Variants in UPK3BL2 observed in about 807,000 individuals in gnomAD.
UPK3BL2 encodes the protein uroplakin-3b-like protein 2.
Under a neutral mutation model 11.3 loss-of-function variants are expected in UPK3BL2, and 1 was observed. The ratio of observed to expected loss-of-function variants is 0.09; its 90% CI spans 0.03 to 0.42. The LOEUF is 0.42. UPK3BL2 is among the 10% of genes least tolerant of loss of function. UPK3BL2 has a pLI of 0.98.
downstream of UPK3BL2, chr7:102,538,093 C>G (rs1269589178): frequency 3.8e-5 from 1 of 26,368 alleles, no homozygotes; most frequent in African/African-American, 4.8e-5. Context: ...GAGACGGAGG[C>G]CATCCTGGCC....
At chr7:102,542,998 G>GAA (rs536228128) in intron 1 of UPK3BL2, among the ~76,000 whole-genome samples, 128 of 115,538 alleles carry the variant, frequency 1.1e-3, no homozygotes, top group African/African-American at 2.8e-3. Flanking sequence ...ACTCTGTCTC[G>GAA]AAAAAAAAAA....
intron 3 of UPK3BL2, among the ~76,000 whole-genome samples, chr7:102,540,855 C>CAAAACAAA (rs1479651896): frequency 3.1e-4 from 19 of 61,274 alleles, no homozygotes; most frequent in South Asian, 5.4e-4. Context: ...AAAAACAAAA[C>CAAAACAAA]AAAAAAAAAA....
At chr7:102,540,903 G>GT (rs1437814758) in intron 3 of UPK3BL2, among the ~76,000 whole-genome samples, 190 bp downstream of exon 3, 1 of 82,372 alleles carries the variant, frequency 1.2e-5, no homozygotes, top group African/African-American at 4.2e-5. Context: ...AAAAAAAAGA[G>GT]AAGAAGGATA....
At chr7:102,540,877 G>GAAAA (rs1800237802) in intron 3 of UPK3BL2, among the ~76,000 whole-genome samples, 1 of 68,332 alleles carries the variant, frequency 1.5e-5, no homozygotes, top group African/African-American at 5.1e-5. Flanking sequence ...AAAAAAAAAA[G>GAAAA]AAGAAAAGGA....
intron 3 of UPK3BL2, among the ~76,000 whole-genome samples, chr7:102,540,857 A>C (rs1800228710): frequency 1.1e-5 from 1 of 92,288 alleles, no homozygotes; most frequent in Non-Finnish European, 2.2e-5. Context: ...AAACAAAACA[A>C]AAAAAAAAAA....
intron 3 of UPK3BL2, among the ~76,000 whole-genome samples, chr7:102,540,872 A>AT (rs1563689730): frequency 0.02 from 2,586 of 126,966 alleles, 6 homozygotes; most frequent in African/African-American, 0.078. Flanking sequence ...AAAAAAAAAA[A>AT]AAAAGAAGAA....
At chr7:102,542,518 C>A (rs1800315322) in intron 1 of UPK3BL2, 1 of 985,152 alleles carries the variant, frequency 1.0e-6, no homozygotes. Flanking sequence ...ATGTGAGTCT[C>A]CAGCAGCTGC....
chr7:102,540,874 A>AAAAAAAAAAAAAAG (rs1554587419), intron 3 of UPK3BL2, among the ~76,000 whole-genome samples: 1 of 119,566 alleles, frequency 8.4e-6, no homozygotes, highest in African/African-American at 3.2e-5. Context: ...AAAAAAAAAA[A>AAAAAAAAAAAAAAG]AAGAAGAAAA....
intron 3 of UPK3BL2, among the ~76,000 whole-genome samples, chr7:102,540,845 A>AAAAAC (rs1300721518): frequency 0.011 from 1,379 of 127,108 alleles, 113 homozygotes; most frequent in Middle Eastern, 0.031. Flanking sequence ...CTCCATCTCA[A>AAAAAC]AAAACAAAAC....
chr7:102,540,335 C>T (rs1267421742), intron 3 of UPK3BL2, among the ~76,000 whole-genome samples: 89 of 80,158 alleles, frequency 1.1e-3, no homozygotes, highest in African/African-American at 3.6e-3. Flanking sequence ...AGGTAGAGGG[C>T]GAGTATTAGA....
At chr7:102,540,885 GGAAAAAAA>G (rs1800241411) in intron 3 of UPK3BL2, among the ~76,000 whole-genome samples, 200 bp downstream of exon 3, 2 of 64,886 alleles carry the variant, frequency 3.1e-5, no homozygotes, top group Non-Finnish European at 6.8e-5. Flanking sequence ...AAGAAGAAAA[GGAAAAAAA>G]AAAAAAAGAG....
At chr7:102,540,846 AAAAC>A (rs1449482469) in intron 3 of UPK3BL2, among the ~76,000 whole-genome samples, 7 of 119,804 alleles carry the variant, frequency 5.8e-5, no homozygotes, top group South Asian at 3.2e-4. Flanking sequence ...TCCATCTCAA[AAAAC>A]AAAACAAAAA....
intron 1 of UPK3BL2, among the ~76,000 whole-genome samples, chr7:102,542,998 G>GAAAAAAAA (rs536228128): frequency 8.6e-6 from 1 of 116,578 alleles, no homozygotes; most frequent in East Asian, 2.4e-4. Flanking sequence ...ACTCTGTCTC[G>GAAAAAAAA]AAAAAAAAAA....
chr7:102,540,233 AG>A lies in UPK3BL2; in HGVS notation c.486-143del. The A allele has an allele frequency of 7.6e-6, 4 of 525,584 alleles. 1 individual carries two copies. The highest frequency in any genetic ancestry group is 1.2e-3 in the Middle Eastern group (2 of 1,644). 32.6% of individuals were successfully genotyped at this position (525,584 alleles called of 1,614,324 possible). On this transcript the variant is annotated intron_variant, in intron 3 of 5. Transcript: ENST00000644544. The stretch of plus-strand genomic sequence containing the variant: ...AGGGGGCCGGAGGCTGGGGCGAAAG[AG>A]CCCAACAGAATGGGTTCAAATCTAG...
chr7:102,540,880 G>A (rs146391920), intron 3 of UPK3BL2, among the ~76,000 whole-genome samples: 2,141 of 62,474 alleles, frequency 0.034, 1 homozygote, highest in Middle Eastern at 0.05. Flanking sequence ...AAAAAAAGAA[G>A]AAAAGGAAAA....
At chr7:102,540,895 A>G (rs1296015186) in intron 3 of UPK3BL2, among the ~76,000 whole-genome samples, 198 bp downstream of exon 3, 2 of 129,114 alleles carry the variant, frequency 1.5e-5, no homozygotes, top group African/African-American at 5.9e-5. Flanking sequence ...GGAAAAAAAA[A>G]AAAAAGAGAA....
intron 3 of UPK3BL2, among the ~76,000 whole-genome samples, chr7:102,540,875 AAGAAGAAAAGG>A (rs1800236388): frequency 9.3e-5 from 11 of 118,840 alleles, no homozygotes; most frequent in African/African-American, 1.3e-4. Context: ...AAAAAAAAAA[AAGAAGAAAAGG>A]AAAAAAAAAA....
chr7:102,540,859 A>ACAAAACAAAAC (rs1233258450), intron 3 of UPK3BL2, among the ~76,000 whole-genome samples: 6 of 113,884 alleles, frequency 5.3e-5, no homozygotes. Flanking sequence ...ACAAAACAAA[A>ACAAAACAAAAC]AAAAAAAAAA....
At chr7:102,542,998 G>GAAAAAAAAAAAAAAAA (rs536228128) in intron 1 of UPK3BL2, among the ~76,000 whole-genome samples, 2 of 116,592 alleles carry the variant, frequency 1.7e-5, no homozygotes, top group African/African-American at 3.1e-5. Flanking sequence ...ACTCTGTCTC[G>GAAAAAAAAAAAAAAAA]AAAAAAAAAA....
Sources: gnomAD v4.1 joint callset for allele counts (sites outside exome capture counted in the v4.1 genomes callset) on GRCh38, gnomAD v4.1.1 for gene constraint, MANE v1.5 for transcripts, NCBI Gene and HGNC (gene_info 2026-07-23, HGNC 2026-07-21) for gene names.